DOCK3: variants seen among roughly 807,000 people sequenced by gnomAD.
The protein encoded by DOCK3 is dedicator of cytokinesis 3, also known as dedicator of cytokinesis protein 3.
A neutral mutation model predicts 265.6 loss-of-function variants in DOCK3; 60 were observed. The observed-to-expected ratio is 0.23, with a 90% confidence interval of 0.18 to 0.28. DOCK3 has a LOEUF of 0.28. Ranked by LOEUF, DOCK3 falls within the 10% of genes least tolerant of loss-of-function variation. DOCK3 has a pLI of 1.00. For synonymous variants in DOCK3, 881 were observed against 938.0 expected, an observed-to-expected ratio of 0.94 and a Z score of 1.11; for missense variants, 1,981 against 2,594.3, an observed-to-expected ratio of 0.76 and a Z score of 5.14.
intron 5 of DOCK3, among the ~76,000 whole-genome samples, chr3:50,974,597 G>A (rs1325552172): frequency 6.7e-6 from 1 of 149,080 alleles, no homozygotes; most frequent in Non-Finnish European, 1.5e-5. Flanking sequence ...TTGTTCTTTT[G>A]GCTTAGGATT....
chr3:50,875,758 T>C (rs1034609697), intron 3 of DOCK3, among the ~76,000 whole-genome samples: 10 of 152,082 alleles, frequency 6.6e-5, no homozygotes, highest in Admixed American at 1.3e-4. Context: ...CGGCCTATAG[T>C]TTTCTTGTTT....
At chr3:51,282,097 C>T (rs1217876987) in intron 27 of DOCK3, among the ~76,000 whole-genome samples, 5 of 152,098 alleles carry the variant, frequency 3.3e-5, no homozygotes, top group Non-Finnish European at 7.4e-5. Context: ...ATTCTATACC[C>T]GACCCAATTG....
At chr3:51,201,236 G>C (rs2088742906) in intron 12 of DOCK3, among the ~76,000 whole-genome samples, 1 of 150,986 alleles carries the variant, frequency 6.6e-6, no homozygotes, top group East Asian at 1.9e-4. Flanking sequence ...TGGCAAATTG[G>C]ATAAAGAGTC....
intron 49 of DOCK3, among the ~76,000 whole-genome samples, chr3:51,369,158 G>A (rs780499160): frequency 7.9e-5 from 12 of 152,322 alleles, no homozygotes; most frequent in Admixed American, 2.0e-4. Flanking sequence ...GCAGCTCCTC[G>A]CCAGCAATGG....
intron 51 of DOCK3, chr3:51,379,715 G>A (rs1423278131): frequency 3.5e-6 from 3 of 867,880 alleles, no homozygotes; most frequent in African/African-American, 3.6e-5. Context: ...CCACAGGAAG[G>A]ATCCTGCTGG....
intron 27 of DOCK3, among the ~76,000 whole-genome samples, chr3:51,307,072 G>A (rs766867016): frequency 7.2e-5 from 11 of 152,180 alleles, no homozygotes; most frequent in Middle Eastern, 3.4e-3. Context: ...ATTGCTTTAT[G>A]TTGTTGATGA....
rs1316066943 is a variant in DOCK3 at position 51,208,843 on chromosome 3, T to C, written c.1107T>C (p.Ser369=). ...TCCGAAAGTCCAGTGCCAAGTACTC[T>C]GCCCCCAGCGCCAGCCATGGTGAGA... is the stretch of plus-strand genomic sequence containing the variant. The part of the protein sequence containing the change: ...NIIRKSSAKY[S]APSASHGLII... Residue 369 remains serine (S), a synonymous_variant, in exon 13 of 53, where the codon TCT becomes TCC. Coordinates refer to ENST00000266037, the MANE Select transcript of DOCK3 (RefSeq NM_004947.5). 2 of 1,611,568 alleles carry C rather than the reference T, an allele frequency of 1.2e-6. No homozygotes were observed. Among genetic ancestry groups the C allele is most frequent in the East Asian group, 4.5e-5 (2 of 44,834 alleles).
intron 24 of DOCK3, 113 bp from the exon 25 acceptor site, chr3:51,274,966 C>T: frequency 7.5e-7 from 1 of 1,336,128 alleles, no homozygotes; most frequent in Non-Finnish European, 1.1e-6. Flanking sequence ...CACTTTTGCT[C>T]TAGTCTGAAC....
At chr3:51,370,019 C>T (rs904259705) in intron 49 of DOCK3, among the ~76,000 whole-genome samples, 3 of 152,120 alleles carry the variant, frequency 2.0e-5, no homozygotes, top group African/African-American at 7.2e-5. Flanking sequence ...ATTTCTAGTA[C>T]TAAATAGGAC....
At chr3:50,937,673 G>A (rs2051456507) in intron 5 of DOCK3, among the ~76,000 whole-genome samples, 1 of 152,040 alleles carries the variant, frequency 6.6e-6, no homozygotes, top group South Asian at 2.1e-4. Context: ...AACAACAGCA[G>A]CAATGAAAAA....
intron 5 of DOCK3, among the ~76,000 whole-genome samples, chr3:51,014,020 C>G (rs546647467): frequency 6.6e-6 from 1 of 152,300 alleles, no homozygotes; most frequent in South Asian, 2.1e-4. Flanking sequence ...GACCATTGGA[C>G]AAGTGCAGTG....
At position 51,263,988 on chromosome 3, in the gene DOCK3, C is replaced by G. The variant is rs117465168; in HGVS notation, c.2355+3662C>G. 8.4e-3 allele frequency among the ~76,000 whole-genome samples: 1,270 copies of G among 151,588 alleles called. 135 individuals are homozygous for G. In the East Asian group the frequency reaches 0.2, roughly 24 times the overall value. ...TAGTGGGAGACTTTAACATCCCACT[C>G]TCAGTATTAGATCAGTGAGACAGAA... is the stretch of plus-strand genomic sequence containing the variant. On this transcript the variant is annotated intron_variant, in intron 23 of 52. Coordinates refer to ENST00000266037, the MANE Select transcript of DOCK3 (RefSeq NM_004947.5).
chr3:50,948,347 G>A (rs1332205137), intron 5 of DOCK3, among the ~76,000 whole-genome samples: 2 of 149,700 alleles, frequency 1.3e-5, no homozygotes, highest in Admixed American at 6.7e-5. Flanking sequence ...GAGCCACCGC[G>A]CCTGGCCTCT....
intron 22 of DOCK3, among the ~76,000 whole-genome samples, chr3:51,256,058 G>A (rs1360965815): frequency 6.6e-6 from 1 of 152,152 alleles, no homozygotes; most frequent in Non-Finnish European, 1.5e-5. Flanking sequence ...TGGTGTGGAT[G>A]TCCTTTCTGT....
In DOCK3 at chr3:50,841,779, A is replaced by G. The variant is rs147462808; in HGVS notation, c.162+64A>G. 4.7e-4 allele frequency: 114 copies of G among 242,984 alleles called. 26 individuals carry two copies. Among genetic ancestry groups the G allele is most frequent in the Middle Eastern group, 2.4e-3 (2 of 822 alleles). 15.1% of individuals were successfully genotyped at this position (242,984 alleles called of 1,614,324 possible). A position where few individuals can be genotyped will look rare whatever the true frequency, so the allele number is the denominator to read the frequency against. ...AGGAACTACCTTGTATGTTTGTTTGATATAACAACTCTTAGTGGTTCATCT... is the reference window on the plus strand; with the variant it reads ...AGGAACTACCTTGTATGTTTGTTTGGTATAACAACTCTTAGTGGTTCATCT... On this transcript the variant is annotated intron_variant, in intron 3 of 52. Transcript: ENST00000266037.
chr3:50,718,061 G>T (rs143747862), intron 1 of DOCK3, among the ~76,000 whole-genome samples: 43 of 152,302 alleles, frequency 2.8e-4, no homozygotes, highest in Non-Finnish European at 5.4e-4. Flanking sequence ...GGTTACAGAT[G>T]AGGCCATCGG....
chr3:51,097,422 A>G (rs1019299804), intron 9 of DOCK3, among the ~76,000 whole-genome samples: 3 of 152,068 alleles, frequency 2.0e-5, no homozygotes, highest in Non-Finnish European at 4.4e-5. Flanking sequence ...AAAACTGTCT[A>G]CTCAAGCCTC....
chr3:51,089,143 AAT>A, intron 7 of DOCK3, 98 bp from the exon 8 acceptor site: 2 of 1,170,060 alleles, frequency 1.7e-6, no homozygotes, highest in Non-Finnish European at 2.5e-6. Flanking sequence ...TGAGATCATG[AAT>A]ATAAAAGGCA....
At chr3:50,691,796 A>G (rs995564976) in intron 1 of DOCK3, among the ~76,000 whole-genome samples, 5 of 151,356 alleles carry the variant, frequency 3.3e-5, no homozygotes, top group African/African-American at 1.2e-4. Flanking sequence ...TTTGATTTGT[A>G]TTTCCCTAAT....
Sources: gnomAD v4.1 joint callset for allele counts (sites outside exome capture counted in the v4.1 genomes callset) on GRCh38, gnomAD v4.1.1 for gene constraint, MANE v1.5 for transcripts, NCBI Gene and HGNC (gene_info 2026-07-23, HGNC 2026-07-21) for gene names.